Variants in FRMPD4 observed in about 807,000 individuals in gnomAD.
FRMPD4 encodes the protein FERM and PDZ domain containing 4.
FRMPD4 carries 22 observed loss-of-function variants against 94.1 expected under a neutral mutation model. The observed-to-expected ratio is 0.23, with a 90% CI of 0.17 to 0.33. FRMPD4 has a LOEUF of 0.33. Among genes scored for constraint, FRMPD4 ranks in the 10% least tolerant of loss-of-function variants. The pLI is 1.00. For synonymous variants in FRMPD4, 631 were observed against 548.6 expected, an observed-to-expected ratio of 1.15 and a Z score of -2.10; for missense variants, 1,111 against 1,339.9, an observed-to-expected ratio of 0.83 and a Z score of 2.67.
At chrX:12,334,609 T>C (rs1295895605) in intron 1 of FRMPD4, among the ~76,000 whole-genome samples, 2 of 98,927 alleles carry the variant, frequency 2.0e-5, no homozygotes, top group Admixed American at 2.1e-4. Flanking sequence ...TCTTCATTGG[T>C]GAAAAAAAAA....
chrX:12,388,161 G>A (rs1428969018), intron 1 of FRMPD4, among the ~76,000 whole-genome samples: 1 of 110,924 alleles, frequency 9.0e-6, no homozygotes, highest in Non-Finnish European at 1.9e-5. Context: ...CTATATCTTG[G>A]CAAAAGTGTT....
At chrX:11,860,089 A>T (rs777069719) in intron 1 of FRMPD4, among the ~76,000 whole-genome samples, 1 of 112,619 alleles carries the variant, frequency 8.9e-6, no homozygotes, top group South Asian at 3.7e-4. Flanking sequence ...TGCAACAAGG[A>T]TACTCCTTGG....
At chrX:12,141,393 C>CTGTGATATTTG (rs1306852419) in intron 1 of FRMPD4, among the ~76,000 whole-genome samples, 1 of 111,727 alleles carries the variant, frequency 9.0e-6, no homozygotes, top group Non-Finnish European at 1.9e-5. Context: ...TGCTTAGTGT[C>CTGTGATATTTG]CTATCTGTGA....
intron 1 of FRMPD4, among the ~76,000 whole-genome samples, chrX:12,471,679 A>G (rs2057514599): frequency 8.9e-6 from 1 of 111,869 alleles, no homozygotes; most frequent in African/African-American, 3.3e-5. Flanking sequence ...TTTGACGACA[A>G]TGAGTTTTAG....
At chrX:12,446,050 CAAAGAT>C (rs1014017764) in intron 1 of FRMPD4, among the ~76,000 whole-genome samples, 21 of 112,022 alleles carry the variant, frequency 1.9e-4, no homozygotes, top group Non-Finnish European at 3.8e-4. Flanking sequence ...TCTGTGAACT[CAAAGAT>C]GAGAGTTGAG....
At chrX:12,526,321 C>A (rs752963564) in intron 2 of FRMPD4, among the ~76,000 whole-genome samples, 3 of 112,554 alleles carry the variant, frequency 2.7e-5, no homozygotes, top group Non-Finnish European at 5.6e-5. Context: ...TTTTAAGCAC[C>A]TTCGGTACTG....
At chrX:12,250,022 TTCTCTCTC>T (rs3835008) in intron 1 of FRMPD4, among the ~76,000 whole-genome samples, 12,062 of 97,278 alleles carry the variant, frequency 0.12, 822 homozygotes, top group East Asian at 0.24. Flanking sequence ...AATTATGGTA[TTCTCTCTC>T]TCTCTCTCTC....
chrX:12,667,023 C>T (rs2059786841), intron 4 of FRMPD4, among the ~76,000 whole-genome samples: 1 of 112,466 alleles, frequency 8.9e-6, no homozygotes. Flanking sequence ...GAGAGTTCAA[C>T]ACTATGAAGT....
At chrX:12,223,454 G>A (rs1276197894) in intron 1 of FRMPD4, among the ~76,000 whole-genome samples, 1 of 111,816 alleles carries the variant, frequency 8.9e-6, no homozygotes, top group Non-Finnish European at 1.9e-5. Flanking sequence ...CTCCTTGAGG[G>A]TAAAGGGTGG....
chrX:12,701,829 G>A (rs2060194058), intron 9 of FRMPD4, 45 bp from the exon 10 acceptor site: 5 of 1,192,872 alleles, frequency 4.2e-6, no homozygotes, highest in Non-Finnish European at 1.1e-6. Flanking sequence ...CACGCGCTGC[G>A]GCCTATTCTT....
chrX:12,586,975 CT>C (rs1336764884), intron 2 of FRMPD4, among the ~76,000 whole-genome samples: 2 of 95,138 alleles, frequency 2.1e-5, no homozygotes, highest in South Asian at 4.4e-4. Flanking sequence ...TATTTTAATG[CT>C]TTTTTTGTTT....
At chrX:12,170,699 C>T (rs2147646795) in intron 1 of FRMPD4, among the ~76,000 whole-genome samples, 1 of 89,667 alleles carries the variant, frequency 1.1e-5, no homozygotes, top group African/African-American at 4.7e-5. Context: ...GATTGCAGTG[C>T]TGCTTGGTGG....
At chrX:12,631,009 C>T (rs1267252821) in intron 4 of FRMPD4, among the ~76,000 whole-genome samples, 4 of 111,284 alleles carry the variant, frequency 3.6e-5, no homozygotes, top group Non-Finnish European at 5.7e-5. Flanking sequence ...CAACACAGAG[C>T]TCCCAGTTTG....
intron 1 of FRMPD4, among the ~76,000 whole-genome samples, chrX:12,427,897 C>CTTTTTTT (rs139267482): frequency 1.8e-4 from 10 of 54,770 alleles, no homozygotes; most frequent in Admixed American, 5.8e-4. Context: ...CCTTTTTTCT[C>CTTTTTTT]TTTTTTTTTT....
At chrX:12,139,054 C>G in intron 1 of FRMPD4, 42 bp downstream of exon 1, 1 of 1,043,495 alleles carries the variant, frequency 9.6e-7, no homozygotes, top group South Asian at 2.8e-5. Flanking sequence ...GGGCCGCTGC[C>G]GCGGGCAACT....
intron 8 of FRMPD4, among the ~76,000 whole-genome samples, chrX:12,692,851 C>G (rs376248236): frequency 1.8e-5 from 2 of 112,278 alleles, no homozygotes; most frequent in Non-Finnish European, 3.8e-5. Context: ...CTCATGAAGT[C>G]GCTGTGAAAC....
At chrX:11,857,233 G>A (rs1195843908) in intron 1 of FRMPD4, among the ~76,000 whole-genome samples, 1 of 111,403 alleles carries the variant, frequency 9.0e-6, no homozygotes, top group Non-Finnish European at 1.9e-5. Flanking sequence ...GAACCAAAAA[G>A]GAGCCCGAAT....
chrX:12,391,094 G>A (rs2056468088), intron 1 of FRMPD4, among the ~76,000 whole-genome samples: 1 of 111,797 alleles, frequency 8.9e-6, no homozygotes, highest in African/African-American at 3.3e-5. Flanking sequence ...ACTTCTTACA[G>A]AACACTTATT....
rs770660370 is a variant in FRMPD4, at chrX:12,685,565, G to GTT, written c.574-528_574-527dup. Among the ~76,000 whole-genome samples, 7 of 85,437 alleles carry GTT rather than the reference G, an allele frequency of 8.2e-5. No individual in the cohort carries two copies. The East Asian group carries it at 1.4e-3, about 17-fold the overall frequency. The allele number at this position is 85,437 out of a possible 115,157, so 74.2% of individuals were successfully genotyped here. ...CTTTTCCCTTGGAGTTTTGTTTTTT[G>GTT]TTTTTGTTTTTGTTTTTGTTTTTGT... On this transcript the variant is annotated intron_variant, in intron 6 of 16. Coordinates refer to ENST00000675598, the MANE Select transcript of FRMPD4 (RefSeq NM_001368397.1).
Sources: allele counts gnomAD v4.1 joint callset (sites outside exome capture counted in the v4.1 genomes callset), GRCh38; gene constraint gnomAD v4.1.1; transcripts MANE v1.5; gene names NCBI Gene and HGNC (gene_info 2026-07-23, HGNC 2026-07-21).